The following FGF13 variants were observed in gnomAD, a reference collection of about 807,000 sequenced individuals.
FGF13 encodes fibroblast growth factor 13.
Under a neutral mutation model 19.5 loss-of-function variants are expected in FGF13, and 2 were observed. The observed-to-expected ratio is 0.10, with a 90% CI of 0.04 to 0.32. The LOEUF is 0.32. FGF13 is among the 10% of genes least tolerant of loss of function. FGF13 has a pLI of 1.00. For missense variants in FGF13, 113 were observed against 192.7 expected (o/e 0.59, Z 2.45); for synonymous variants, 72 against 76.9 (o/e 0.94, Z 0.33).
At position 138,728,392 on chromosome X, in the gene FGF13, G is replaced by A. The variant is rs755096376; in HGVS notation, c.28+10850C>T. On this transcript the variant is annotated intron_variant, in intron 1 of 4. Transcript: ENST00000305414. Reference sequence around the variant, plus strand: ...CTCTGGTATCCAAATTGGAGACTGGGTTTAACCAGGCAATGTGTGTAATTA... The same window carrying A: ...CTCTGGTATCCAAATTGGAGACTGGATTTAACCAGGCAATGTGTGTAATTA... 5.4e-5 allele frequency among the ~76,000 whole-genome samples: 6 copies of A among 111,600 alleles called. No individual in the cohort carries two copies. The South Asian group carries it at 1.9e-3, about 35-fold the overall frequency.
At chrX:138,775,521 A>T (rs2090581186) in intron 3 of FGF13, among the ~76,000 whole-genome samples, 1 of 112,141 alleles carries the variant, frequency 8.9e-6, no homozygotes, top group Non-Finnish European at 1.9e-5. Flanking sequence ...TATCAAGGTG[A>T]TGTTTAAATT....
chrX:138,755,260 A>T (rs756652657), intron 3 of FGF13, among the ~76,000 whole-genome samples: 213 of 112,220 alleles, frequency 1.9e-3, no homozygotes, highest in African/African-American at 6.4e-3. Context: ...GGATATTAAA[A>T]ATACTATTGG....
intron 1 of FGF13, among the ~76,000 whole-genome samples, chrX:139,117,163 T>C (rs2083645489): frequency 1.8e-5 from 2 of 111,334 alleles, no homozygotes. Context: ...GGTAATTTTG[T>C]ACCTCCCAAC....
intron 3 of FGF13, among the ~76,000 whole-genome samples, chrX:138,797,872 T>C (rs1327596300): frequency 1.8e-5 from 2 of 112,034 alleles, no homozygotes; most frequent in Non-Finnish European, 3.8e-5. Flanking sequence ...TTGTCTATTA[T>C]TGGTGTATAG....
At chrX:138,938,681 G>C (rs1014852805) in intron 1 of FGF13, among the ~76,000 whole-genome samples, 1 of 111,414 alleles carries the variant, frequency 9.0e-6, no homozygotes, top group Non-Finnish European at 1.9e-5. Context: ...TTAAAAGACA[G>C]AGAGAATTTG....
At chrX:138,815,772 T>TA (rs201419270) in intron 3 of FGF13, among the ~76,000 whole-genome samples, 20 of 104,447 alleles carry the variant, frequency 1.9e-4, no homozygotes, top group Non-Finnish European at 3.0e-4. Flanking sequence ...AAGTATAATT[T>TA]AAAAAAAAAA....
chrX:138,875,373 A>C (rs2091382727), intron 1 of FGF13, among the ~76,000 whole-genome samples: 1 of 111,942 alleles, frequency 8.9e-6, no homozygotes. Context: ...CAGATGCAGG[A>C]AACAGCCTGA....
At chrX:138,654,737 G>A (rs983399068) in intron 3 of FGF13, among the ~76,000 whole-genome samples, 1 of 96,771 alleles carries the variant, frequency 1.0e-5, no homozygotes, top group Non-Finnish European at 2.0e-5. Flanking sequence ...TGAAACTCCG[G>A]CTCAAAAATA....
At chrX:138,810,851 T>A (rs1208710430) in intron 3 of FGF13, among the ~76,000 whole-genome samples, 1 of 111,877 alleles carries the variant, frequency 8.9e-6, no homozygotes, top group Admixed American at 9.4e-5. Flanking sequence ...AAAATGCTCA[T>A]CATCACTGGC....
At chrX:138,688,131 AT>A (rs769131283) in intron 3 of FGF13, among the ~76,000 whole-genome samples, 200 of 97,636 alleles carry the variant, frequency 2.0e-3, no homozygotes, top group Admixed American at 2.0e-3. Context: ...AATTTTTTGT[AT>A]TTTTTTTTTT....
In FGF13 at chrX:138,988,352, C is replaced by T. The variant is rs142059977; in HGVS notation, c.-112-123702G>A. On this transcript the variant is annotated intron_variant, in intron 1 of 2. Coordinates refer to the FGF13 transcript ENST00000421460. ...TTATTACAGGTGAAAAGGCATATAC[C>T]ATGTGTTTCATAAATATTTGTTGAA... Among the ~76,000 whole-genome samples, 667 of 111,945 alleles carry T rather than the reference C, an allele frequency of 6.0e-3. 4 individuals are homozygous for T. The highest frequency in any genetic ancestry group is 0.02 in the African/African-American group (629 of 30,872).
At chrX:138,720,332 G>A (rs768330654) in intron 1 of FGF13, among the ~76,000 whole-genome samples, 20 of 112,002 alleles carry the variant, frequency 1.8e-4, no homozygotes, top group African/African-American at 6.5e-4. Flanking sequence ...AGGACTTATT[G>A]TACTTTGTTT....
At chrX:138,945,441 C>T (rs774374319) in intron 1 of FGF13, among the ~76,000 whole-genome samples, 8 of 111,286 alleles carry the variant, frequency 7.2e-5, no homozygotes, top group African/African-American at 1.3e-4. Context: ...GTCTACTCGA[C>T]AGATGAAACA....
At chrX:138,964,166 AAAG>A (rs1387844227) in intron 1 of FGF13, among the ~76,000 whole-genome samples, 5 of 111,829 alleles carry the variant, frequency 4.5e-5, no homozygotes, top group Non-Finnish European at 5.6e-5. Context: ...GTCTGTAGAG[AAAG>A]AAGGATTCAC....
intron 1 of FGF13, among the ~76,000 whole-genome samples, chrX:138,876,077 G>A (rs909283598): frequency 7.3e-5 from 8 of 109,032 alleles, no homozygotes; most frequent in African/African-American, 1.7e-4. Flanking sequence ...TGAAGCAAAC[G>A]CACACTATGG....
chrX:138,622,780 C>T lies in FGF13; in HGVS notation c.*10070G>A, dbSNP rs1034513262. ...AAGATTTTTGGGGACTTATGTGGTG[C>T]CATATGAATTTTAGAATTTTTTTTT... On this transcript the variant is annotated 3_prime_UTR_variant, in exon 5 of 5. Coordinates refer to ENST00000315930, the MANE Select transcript of FGF13 (RefSeq NM_004114.5). 1 of 111,388 alleles carries T rather than the reference C, an allele frequency of 9.0e-6. No individual in the cohort carries two copies. The highest frequency in any genetic ancestry group is 3.3e-5 in the African/African-American group (1 of 30,698). The allele number at this position is 111,388 out of a possible 1,213,427, so 9.2% of individuals were successfully genotyped here. A position where few individuals can be genotyped will look rare whatever the true frequency, so the allele number is the denominator to read the frequency against.
intron 3 of FGF13, among the ~76,000 whole-genome samples, chrX:138,760,843 C>T (rs2090461849): frequency 8.9e-6 from 1 of 111,811 alleles, no homozygotes; most frequent in Admixed American, 9.5e-5. Flanking sequence ...CATATCTAAA[C>T]TGTTAACCTA....
intron 1 of FGF13, among the ~76,000 whole-genome samples, chrX:138,968,906 G>A (rs991966813): frequency 2.7e-5 from 3 of 112,074 alleles, no homozygotes; most frequent in Non-Finnish European, 5.6e-5. Context: ...ATGAAGAAAG[G>A]GCCTTTTGTC....
At chrX:139,102,082 T>C (rs1221327441) in intron 1 of FGF13, among the ~76,000 whole-genome samples, 2 of 112,287 alleles carry the variant, frequency 1.8e-5, no homozygotes, top group African/African-American at 6.5e-5. Context: ...CAGTATCTTA[T>C]AGTTCTTCTA....
Sources: gnomAD v4.1 joint callset for allele counts (sites outside exome capture counted in the v4.1 genomes callset) on GRCh38, gnomAD v4.1.1 for gene constraint, MANE v1.5 for transcripts, NCBI Gene and HGNC (gene_info 2026-07-23, HGNC 2026-07-21) for gene names.